The following CCDC93 variants were observed in gnomAD, a reference collection of about 807,000 sequenced individuals.
CCDC93 encodes the protein coiled-coil domain-containing protein 93.
A neutral mutation model predicts 108.2 loss-of-function variants in CCDC93; 61 were observed. That is an observed-to-expected ratio of 0.56 (90% CI 0.46 to 0.70). The LOEUF is 0.70. Among genes scored for constraint, CCDC93 ranks in the 30% least tolerant of loss-of-function variants. The pLI is 0.00. For synonymous variants in CCDC93, 276 were observed against 260.4 expected (o/e 1.06, Z -0.58); for missense variants, 685 against 764.2 (o/e 0.90, Z 1.22).
chr2:117,989,908 G>C lies in CCDC93; in HGVS notation c.520-3839C>G, dbSNP rs369896739. Among the ~76,000 whole-genome samples, 152 of 152,290 alleles carry C rather than the reference G, an allele frequency of 1.0e-3. 3 individuals are homozygous for C. In the South Asian group the frequency reaches 0.028, roughly 28 times the overall value. ...AGCATTCCCTATGGAAGAACACACT[G>C]GACTGGTAACTTTAAATGGCAGTCT... is the stretch of plus-strand genomic sequence containing the variant. On this transcript the variant is annotated intron_variant, in intron 6 of 23. Transcript: ENST00000376300.
At chr2:117,947,636 T>C (rs1032954132) in intron 15 of CCDC93, among the ~76,000 whole-genome samples, 2 of 151,944 alleles carry the variant, frequency 1.3e-5, no homozygotes, top group African/African-American at 4.8e-5. Flanking sequence ...ACAAAGTTAC[T>C]AACCATGGTG....
At chr2:117,936,176 G>A (rs1018068881) in intron 21 of CCDC93, among the ~76,000 whole-genome samples, 1 of 152,066 alleles carries the variant, frequency 6.6e-6, no homozygotes, top group Admixed American at 6.5e-5. Context: ...TTGTGCCAGA[G>A]AGAAGGGAAG....
intron 3 of CCDC93, among the ~76,000 whole-genome samples, chr2:118,002,737 A>C (rs1676742923): frequency 6.6e-6 from 1 of 152,088 alleles, no homozygotes; most frequent in African/African-American, 2.4e-5. Context: ...AGAGTGATTT[A>C]TCCACAAGTC....
chr2:118,012,639 C>T (rs1178278809), intron 1 of CCDC93: 1 of 152,186 alleles, frequency 6.6e-6, no homozygotes, highest in Non-Finnish European at 1.5e-5. Flanking sequence ...AAGAAAACTT[C>T]AAATGTCACA....
At chr2:117,922,033 G>C (rs1343429549) in intron 23 of CCDC93, among the ~76,000 whole-genome samples, 1 of 150,202 alleles carries the variant, frequency 6.7e-6, no homozygotes, top group Admixed American at 6.6e-5. Flanking sequence ...TGGAGTGGAA[G>C]AGATGGAACA....
At chr2:117,946,784 T>C (rs749119316) in intron 16 of CCDC93, 27 bp downstream of exon 16, 7 of 1,534,256 alleles carry the variant, frequency 4.6e-6, no homozygotes, top group East Asian at 4.5e-5. Flanking sequence ...CACCTGAGAG[T>C]CTCAAGGACT....
At chr2:118,008,506 A>T in intron 2 of CCDC93, 39 bp downstream of exon 2, 1 of 1,152,336 alleles carries the variant, frequency 8.7e-7, no homozygotes, top group African/African-American at 1.5e-5. Context: ...TGTCATTCTG[A>T]CAAAAGATAG....
intron 9 of CCDC93, 87 bp from the exon 10 acceptor site, chr2:117,974,987 T>C (rs1679887622): frequency 1.3e-5 from 15 of 1,193,128 alleles, no homozygotes; most frequent in Non-Finnish European, 1.8e-5. Flanking sequence ...TTTGCGGTGA[T>C]ATCCAAGGGT....
chr2:117,933,705 C>CTT (rs77802787), intron 22 of CCDC93, among the ~76,000 whole-genome samples: 113 of 144,766 alleles, frequency 7.8e-4, no homozygotes, highest in African/African-American at 2.6e-3. Context: ...ACAGGGAAAG[C>CTT]TTTTTTTTTT....
chr2:117,964,300 T>A (rs1273730994), intron 11 of CCDC93, among the ~76,000 whole-genome samples: 1 of 152,166 alleles, frequency 6.6e-6, no homozygotes, highest in Admixed American at 6.5e-5. Context: ...TAAGTAAAGG[T>A]GTTGCATCCT....
At chr2:118,013,446 G>A (rs2113482) in intron 1 of CCDC93, among the ~76,000 whole-genome samples, 85,877 of 151,830 alleles carry the variant, frequency 0.57, 25,116 homozygotes, top group East Asian at 0.87. Context: ...CGCAAGGAGG[G>A]TGGCATTCCC....
rs1679287011 is a variant in CCDC93, at chr2:117,958,463, C to G, written c.907G>C (p.Glu303Gln). 1.5e-5 allele frequency: 24 copies of G among 1,606,784 alleles called. No homozygotes were observed. Among genetic ancestry groups the G allele is most frequent in the Admixed American group, 1.7e-5 (1 of 59,978 alleles). ...YAEKQSELSA[E>Q]ESPEKLGTSQ... ...GTTCCTAATTTTTCTGGACTTTCTT[C>G]AGCTGATAGCTCAGACTGCTGTGGA... Residue 303 changes from glutamate (E) to glutamine (Q), a missense_variant, in exon 12 of 24, where the codon GAA becomes CAA. By Grantham distance (29) the Glu-to-Gln change is conservative. Transcript: ENST00000376300.
In CCDC93 at chr2:117,946,805, C is replaced by CT; in HGVS notation, c.1296+5dup. On this transcript the variant is annotated splice_donor_region_variant and intron_variant, in intron 16 of 23. Transcript: ENST00000376300. ...AGAGTCTCAAGGACTAATTCAGAGC[C>CT]TTTACCTTTTCATCTCCACGTGGTG... 1.9e-6 allele frequency: 3 copies of CT among 1,607,948 alleles called. No homozygotes were observed. The highest frequency in any genetic ancestry group is 2.6e-6 in the Non-Finnish European group (3 of 1,174,368).
intron 20 of CCDC93, 166 bp from the exon 21 acceptor site, chr2:117,936,905 C>G: frequency 1.6e-6 from 1 of 621,398 alleles, no homozygotes; most frequent in Non-Finnish European, 2.9e-6. Context: ...GCCACATGTT[C>G]TGTCTCACAG....
At position 117,951,475 on chromosome 2, in the gene CCDC93, C is replaced by T. The variant is rs1015511023; in HGVS notation, c.1068+898G>A. ...CATCAAGGTGGCAAATTAAGTGCTA[C>T]ATATCGCTACAGAGTAAGAATTTTA... is the stretch of plus-strand genomic sequence containing the variant. On this transcript the variant is annotated intron_variant, in intron 13 of 23. Coordinates refer to ENST00000376300, the MANE Select transcript of CCDC93 (RefSeq NM_019044.5). 6.1e-6 allele frequency: 6 copies of T among 986,906 alleles called. No individual in the cohort carries two copies. In the African/African-American group the frequency reaches 1.0e-4, roughly 17 times the overall value. 61.1% of individuals were successfully genotyped at this position (986,906 alleles called of 1,614,324 possible).
chr2:117,930,967 T>C, intron 23 of CCDC93, 70 bp downstream of exon 23: 1 of 1,022,494 alleles, frequency 9.8e-7, no homozygotes, highest in East Asian at 2.4e-5. Flanking sequence ...CTGCTGTTTT[T>C]TAGTGGCTAC....
rs764764643 is a variant in CCDC93 at position 117,949,316 on chromosome 2, T to C, written c.1142+6A>G. ...GCAAAAATAAGCACATGCTGAAACC[T>C]CTTACCTTGGATCAGCTTTGGATTC... is the stretch of plus-strand genomic sequence containing the variant. On this transcript the variant is annotated splice_donor_region_variant and intron_variant, in intron 14 of 23. Coordinates refer to ENST00000376300, the MANE Select transcript of CCDC93 (RefSeq NM_019044.5). The C allele has an allele frequency of 6.2e-7, 1 of 1,605,974 alleles. No individual in the cohort carries two copies. Among genetic ancestry groups the C allele is most frequent in the South Asian group, 1.1e-5 (1 of 90,782 alleles).
intron 17 of CCDC93, chr2:117,944,606 CTGGATGAGACATGGT>C: frequency 2.5e-6 from 1 of 401,178 alleles, no homozygotes; most frequent in South Asian, 1.9e-5. Context: ...TGAGACATGG[CTGGATGAGACATGGT>C]AAGAGACATG....
chr2:117,941,123 A>G (rs2303330), intron 19 of CCDC93, 66 bp downstream of exon 19: 275,437 of 1,131,738 alleles, frequency 0.24, 35,308 homozygotes, highest in African/African-American at 0.36. Context: ...CCCATGCTAA[A>G]GTGGAACAGA....
Sources: gnomAD v4.1 joint callset for allele counts (sites outside exome capture counted in the v4.1 genomes callset) on GRCh38, gnomAD v4.1.1 for gene constraint, MANE v1.5 for transcripts, NCBI Gene and HGNC (gene_info 2026-07-23, HGNC 2026-07-21) for gene names.